GPC5: variants seen among roughly 807,000 people sequenced by gnomAD.
GPC5 encodes the protein glypican 5.
In GPC5, 47 loss-of-function variants were observed where a neutral mutation model predicts 53.9. The ratio of observed to expected loss-of-function variants is 0.87; its 90% CI spans 0.69 to 1.11. The LOEUF is 1.11. Among genes scored for constraint, GPC5 ranks in the 50% most tolerant of loss-of-function variants. GPC5 has a pLI of 0.00. For synonymous variants in GPC5, 286 were observed against 263.3 expected, an observed-to-expected ratio of 1.09 and a Z score of -0.84; for missense variants, 748 against 713.1, an observed-to-expected ratio of 1.05 and a Z score of -0.56.
chr13:91,843,911 C>T (rs979855410), intron 5 of GPC5, among the ~76,000 whole-genome samples: 1 of 152,120 alleles, frequency 6.6e-6, no homozygotes, highest in Non-Finnish European at 1.5e-5. Flanking sequence ...GAACACCAAG[C>T]CTTCAAGGTT....
intron 4 of GPC5, among the ~76,000 whole-genome samples, chr13:91,740,154 G>A (rs150458799): frequency 6.6e-5 from 10 of 152,256 alleles, no homozygotes; most frequent in African/African-American, 2.2e-4. Context: ...TGAGTTGCCT[G>A]CATACTGATT....
At position 91,908,052 on chromosome 13, in the gene GPC5, G is replaced by T. The variant is rs1478964060; in HGVS notation, c.1396G>T (p.Val466Phe). 1.3e-6 allele frequency: 2 copies of T among 1,574,406 alleles called. No individual in the cohort carries two copies. The highest frequency in any genetic ancestry group is 2.7e-5 in the African/African-American group (2 of 73,878). ...NQIIDKLKHV[V>F]QLLQGRSPKP... ...GATTATTGATAAACTGAAGCATGTTGTTCAGGTAAGTCCTGATCCTATATT... is the reference window on the plus strand; with the variant it reads ...GATTATTGATAAACTGAAGCATGTTTTTCAGGTAAGTCCTGATCCTATATT... Residue 466 changes from valine (V) to phenylalanine (F), a missense_variant, in exon 6 of 8, where the codon GTT becomes TTT. Transcript: ENST00000377067.
At chr13:92,579,443 C>T (rs1883306968) in intron 7 of GPC5, among the ~76,000 whole-genome samples, 1 of 151,730 alleles carries the variant, frequency 6.6e-6, no homozygotes, top group Non-Finnish European at 1.5e-5. Context: ...ACAGGATACA[C>T]TTGCTCTATT....
chr13:91,757,197 A>T (rs560587372), intron 5 of GPC5, among the ~76,000 whole-genome samples: 1 of 152,036 alleles, frequency 6.6e-6, no homozygotes, highest in African/African-American at 2.4e-5. Flanking sequence ...ATTTGCCAAT[A>T]CTGGTGGTTA....
At chr13:92,133,723 T>C (rs1306654866) in intron 6 of GPC5, among the ~76,000 whole-genome samples, 1 of 152,062 alleles carries the variant, frequency 6.6e-6, no homozygotes, top group African/African-American at 2.4e-5. Flanking sequence ...ACACACAGAG[T>C]TGAGTGACAC....
At chr13:92,741,566 T>TAA (rs1889094492) in intron 7 of GPC5, among the ~76,000 whole-genome samples, 1 of 151,966 alleles carries the variant, frequency 6.6e-6, no homozygotes, top group Non-Finnish European at 1.5e-5. Flanking sequence ...ACTTTAGGAG[T>TAA]AAACATACCA....
intron 5 of GPC5, among the ~76,000 whole-genome samples, chr13:91,894,385 T>C (rs1185775487): frequency 6.6e-6 from 1 of 152,198 alleles, no homozygotes; most frequent in East Asian, 1.9e-4. Flanking sequence ...AGGTTCTACA[T>C]GTTAAGTGTA....
At chr13:92,442,021 C>T (rs1877593475) in intron 7 of GPC5, among the ~76,000 whole-genome samples, 1 of 152,032 alleles carries the variant, frequency 6.6e-6, no homozygotes, top group Admixed American at 6.6e-5. Context: ...GGCAAAAAAC[C>T]CAATAGTGTT....
chr13:91,523,471 C>G (rs1594205637), intron 2 of GPC5, among the ~76,000 whole-genome samples: 1 of 152,014 alleles, frequency 6.6e-6, no homozygotes, highest in Middle Eastern at 3.2e-3. Flanking sequence ...AATAAGCCAC[C>G]ACGGAGAGAC....
At chr13:92,825,962 T>C (rs769185362) in intron 7 of GPC5, among the ~76,000 whole-genome samples, 45 of 152,284 alleles carry the variant, frequency 3.0e-4, no homozygotes, top group Non-Finnish European at 5.0e-4. Flanking sequence ...TTCTCATCTC[T>C]CCATTCTTTC....
Position 92,349,069 on chromosome 13 carries a change from G to C in GPC5, c.1561+204080G>C, listed in dbSNP as rs76243641. ...GGAAATAATAAAGATTGGAGTAGAA[G>C]TTAATGAAATGGAGACTAGCAAAAC... is the stretch of plus-strand genomic sequence containing the variant. On this transcript the variant is annotated intron_variant, in intron 7 of 7. Coordinates refer to ENST00000377067, the MANE Select transcript of GPC5 (RefSeq NM_004466.6). 1.1e-3 allele frequency among the ~76,000 whole-genome samples: 164 copies of C among 152,284 alleles called. 1 individual carries two copies. Among genetic ancestry groups the C allele is most frequent in the African/African-American group, 3.7e-3 (155 of 41,554 alleles).
intron 7 of GPC5, among the ~76,000 whole-genome samples, chr13:92,188,024 G>T (rs1370009964): frequency 6.6e-6 from 1 of 151,992 alleles, no homozygotes; most frequent in African/African-American, 2.4e-5. Flanking sequence ...ATTTATTTAT[G>T]TTGTGATATG....
At chr13:92,163,145 G>C (rs1191145437) in intron 7 of GPC5, among the ~76,000 whole-genome samples, 1 of 152,048 alleles carries the variant, frequency 6.6e-6, no homozygotes, top group South Asian at 2.1e-4. Flanking sequence ...AATTACACTA[G>C]AATAAAATGA....
At position 91,448,869 on chromosome 13, in the gene GPC5, C is replaced by A. The variant is rs142381235; in HGVS notation, c.272C>A (p.Thr91Lys). Residue 91 changes from threonine to lysine, a missense_variant, in exon 2 of 8, where the codon ACG becomes AAG. Coordinates refer to ENST00000377067, the MANE Select transcript of GPC5 (RefSeq NM_004466.6). The stretch of plus-strand genomic sequence containing the variant: ...CAGGATATGCAGCAGTTTCTTCAAA[C>A]GTCCAGCTCTACATTAAAGTTTCTA... ...ARQDMQQFLQ[T>K]SSSTLKFLIS... The A allele has an allele frequency of 1.9e-6, 3 of 1,613,518 alleles. No homozygotes were observed. Among genetic ancestry groups the A allele is most frequent in the Non-Finnish European group, 2.5e-6 (3 of 1,179,738 alleles).
rs1338843982 is a variant in GPC5 at position 92,772,689 on chromosome 13, A to G, written c.1562-93593A>G. On this transcript the variant is annotated intron_variant, in intron 7 of 7. Coordinates refer to ENST00000377067, the MANE Select transcript of GPC5 (RefSeq NM_004466.6). The stretch of plus-strand genomic sequence containing the variant: ...CTCCATGGAAAGGAAGCTCCATGAG[A>G]ATGTGGGCTTTCTTTTGTTCTCTGC... Among the ~76,000 whole-genome samples, 5 of 152,168 alleles carry G rather than the reference A, an allele frequency of 3.3e-5. 1 individual carries two copies. The highest frequency in any genetic ancestry group is 7.3e-5 in the Non-Finnish European group (5 of 68,044).
intron 7 of GPC5, among the ~76,000 whole-genome samples, chr13:92,527,826 A>G (rs1881421595): frequency 1.3e-5 from 2 of 152,132 alleles, no homozygotes; most frequent in South Asian, 4.1e-4. Flanking sequence ...TAACACAGAG[A>G]AAATTACTAA....
Position 92,387,090 on chromosome 13 carries a change from G to A in GPC5, c.1561+242101G>A, listed in dbSNP as rs550558434. On this transcript the variant is annotated intron_variant, in intron 7 of 7. Coordinates refer to ENST00000377067, the MANE Select transcript of GPC5 (RefSeq NM_004466.6). Reference sequence around the variant, plus strand: ...CATGTGCTGCATGACCTATACAGATGGTCCCCAACTTGAGATGGTTTGACT... The same window carrying A: ...CATGTGCTGCATGACCTATACAGATAGTCCCCAACTTGAGATGGTTTGACT... 2.6e-5 allele frequency among the ~76,000 whole-genome samples: 4 copies of A among 152,128 alleles called. No homozygotes were observed. In the East Asian group the frequency reaches 7.7e-4, roughly 29 times the overall value.
chr13:91,822,585 A>G (rs1158947470), intron 5 of GPC5, among the ~76,000 whole-genome samples: 2 of 152,120 alleles, frequency 1.3e-5, no homozygotes, highest in Non-Finnish European at 2.9e-5. Flanking sequence ...AAAAACCATC[A>G]GATCTTGTGA....
intron 2 of GPC5, among the ~76,000 whole-genome samples, chr13:91,640,479 C>CA (rs1336670822): frequency 1.3e-5 from 2 of 152,178 alleles, no homozygotes; most frequent in Non-Finnish European, 2.9e-5. Context: ...CAAGAAACAA[C>CA]AGATGCTGGT....
Sources: gnomAD v4.1 joint callset for allele counts (sites outside exome capture counted in the v4.1 genomes callset) on GRCh38, gnomAD v4.1.1 for gene constraint, MANE v1.5 for transcripts, NCBI Gene and HGNC (gene_info 2026-07-23, HGNC 2026-07-21) for gene names.